Variants in ERC1 observed in about 807,000 individuals in gnomAD.
The protein encoded by ERC1 is ELKS/RAB6-interacting/CAST family member 1.
A neutral mutation model predicts 132.0 loss-of-function variants in ERC1; 56 were observed. The observed-to-expected ratio is 0.42, with a 90% CI of 0.34 to 0.53. The LOEUF (loss-of-function observed/expected upper bound fraction) is 0.53. Ranked by LOEUF, ERC1 falls within the 20% of genes least tolerant of loss-of-function variation. The pLI is 0.03. For missense variants in ERC1, 1,202 were observed against 1,349.9 expected (o/e 0.89, Z 1.72); for synonymous variants, 478 against 476.1 (o/e 1.00, Z -0.05).
intron 3 of ERC1, among the ~76,000 whole-genome samples, chr12:1,094,848 C>CA (rs1369403016): frequency 6.6e-6 from 1 of 151,980 alleles, no homozygotes; most frequent in African/African-American, 2.4e-5. Context: ...AGTTAAGATA[C>CA]GAAAAAGTGG....
At chr12:1,050,872 G>A (rs1231611131) in intron 2 of ERC1, among the ~76,000 whole-genome samples, 4 of 152,064 alleles carry the variant, frequency 2.6e-5, no homozygotes, top group Non-Finnish European at 5.9e-5. Context: ...GAGCGTGGTG[G>A]CGCGTTCCTG....
chr12:1,273,913 T>C (rs2078062302), intron 14 of ERC1, among the ~76,000 whole-genome samples: 1 of 152,258 alleles, frequency 6.6e-6, no homozygotes, highest in Non-Finnish European at 1.5e-5. Flanking sequence ...TGGTCATTTT[T>C]TAAATTTTTG....
At chr12:1,002,735 A>G (rs1389641617) in intron 1 of ERC1, among the ~76,000 whole-genome samples, 1 of 152,110 alleles carries the variant, frequency 6.6e-6, no homozygotes, top group Non-Finnish European at 1.5e-5. Context: ...TTGTAGTAGT[A>G]TCTCTTGGTT....
At chr12:1,370,973 A>G (rs1412195700) in intron 15 of ERC1, among the ~76,000 whole-genome samples, 6 of 152,206 alleles carry the variant, frequency 3.9e-5, no homozygotes, top group African/African-American at 9.7e-5. Context: ...TCAGCCTCCC[A>G]AAGTGCTGGG....
At chr12:1,412,572 C>A (rs1196891231) in intron 17 of ERC1, among the ~76,000 whole-genome samples, 1 of 152,138 alleles carries the variant, frequency 6.6e-6, no homozygotes, top group Non-Finnish European at 1.5e-5. Flanking sequence ...ATTTCTTCAT[C>A]TTTAGGATGG....
intron 18 of ERC1, among the ~76,000 whole-genome samples, chr12:1,479,921 G>A (rs552585613): frequency 8.5e-5 from 13 of 152,242 alleles, no homozygotes; most frequent in African/African-American, 2.9e-4. Flanking sequence ...AAGCCCTGCT[G>A]CCCTCACGCC....
intron 7 of ERC1, among the ~76,000 whole-genome samples, chr12:1,121,717 A>ATCTCTATCTCTATCTGTG (rs1947181679): frequency 5.4e-4 from 3 of 5,544 alleles, no homozygotes; most frequent in African/African-American, 9.6e-4. Context: ...CTGTGTCTCT[A>ATCTCTATCTCTATCTGTG]TCTCTATCTC....
At chr12:1,213,263 C>T (rs1958049443) in intron 12 of ERC1, among the ~76,000 whole-genome samples, 1 of 152,060 alleles carries the variant, frequency 6.6e-6, no homozygotes, top group Non-Finnish European at 1.5e-5. Context: ...TTATTTAGTA[C>T]CTAGTAGCTT....
At chr12:1,280,399 A>G (rs148322038) in intron 14 of ERC1, among the ~76,000 whole-genome samples, 30 of 152,312 alleles carry the variant, frequency 2.0e-4, no homozygotes, top group East Asian at 5.8e-4. Flanking sequence ...TGGACATTCA[A>G]TTGTCCCTTC....
At chr12:1,279,445 T>A (rs1167023165) in intron 14 of ERC1, among the ~76,000 whole-genome samples, 1 of 152,162 alleles carries the variant, frequency 6.6e-6, no homozygotes, top group Non-Finnish European at 1.5e-5. Context: ...AAGTAGTACA[T>A]GATATTACTG....
rs2089405163 is a variant in ERC1, at chr12:1,386,663, A to AAAAAAAAC, written c.2925+14688_2925+14689insAAAAACAA. The AAAAAAAAC allele has an allele frequency of 1.5e-5, 2 of 132,068 alleles. 1 individual carries two copies. The highest frequency in any genetic ancestry group is 3.4e-5 in the Non-Finnish European group (2 of 59,398). 8.2% of individuals were successfully genotyped at this position (132,068 alleles called of 1,614,324 possible). ...CAAGACTTCGTCTCAAAAAAAAAAAAAACATTAAAAAGTACACATGTCTAA... is the reference window on the plus strand; with the variant it reads ...CAAGACTTCGTCTCAAAAAAAAAAAAAAAAAAACAACATTAAAAAGTACACATGTCTAA... On this transcript the variant is annotated intron_variant, in intron 16 of 18. Transcript: ENST00000360905.
At chr12:1,232,071 C>T (rs189151639) in intron 12 of ERC1, among the ~76,000 whole-genome samples, 2 of 152,168 alleles carry the variant, frequency 1.3e-5, no homozygotes, top group Non-Finnish European at 2.9e-5. Flanking sequence ...TCTTGGCTGG[C>T]AGTTTTTGTC....
At chr12:1,248,786 AC>A (rs1335035423) in intron 13 of ERC1, among the ~76,000 whole-genome samples, 1 of 152,184 alleles carries the variant, frequency 6.6e-6, no homozygotes, top group African/African-American at 2.4e-5. Flanking sequence ...TATGCTAGAA[AC>A]AGTAATGTTG....
chr12:1,269,642 A>C (rs1405176021), intron 14 of ERC1, among the ~76,000 whole-genome samples: 1 of 152,218 alleles, frequency 6.6e-6, no homozygotes, highest in Non-Finnish European at 1.5e-5. Context: ...CGGGAGGATC[A>C]GATGGACTAT....
chr12:1,092,565 AT>A (rs781499487), intron 3 of ERC1, among the ~76,000 whole-genome samples: 4 of 152,248 alleles, frequency 2.6e-5, no homozygotes, highest in Non-Finnish European at 4.4e-5. Context: ...TTGAAACAAA[AT>A]TACCCGGTAT....
rs115797420 is a variant in ERC1 at position 1,428,082 on chromosome 12, C to A, written c.3025-16480C>A. 4.0e-3 allele frequency among the ~76,000 whole-genome samples: 614 copies of A among 152,272 alleles called. 7 individuals are homozygous for A. Among genetic ancestry groups the A allele is most frequent in the African/African-American group, 0.014 (576 of 41,548 alleles). ...GAAGCATCTCTGGAACATATGCACTCAGATCCGTGGGTTCATATCTTAATG... is the reference window on the plus strand; with the variant it reads ...GAAGCATCTCTGGAACATATGCACTAAGATCCGTGGGTTCATATCTTAATG... On this transcript the variant is annotated intron_variant, in intron 17 of 18. Transcript: ENST00000360905.
At chr12:1,470,616 A>T (rs1474004743) in intron 18 of ERC1, among the ~76,000 whole-genome samples, 1 of 152,036 alleles carries the variant, frequency 6.6e-6, no homozygotes, top group African/African-American at 2.4e-5. Context: ...CTCCATTTTT[A>T]TAACGACGAG....
intron 7 of ERC1, among the ~76,000 whole-genome samples, chr12:1,129,015 C>A (rs1010800829): frequency 6.6e-6 from 1 of 152,048 alleles, no homozygotes; most frequent in Non-Finnish European, 1.5e-5. Context: ...GTAGGAGTTT[C>A]AGGAGTGGAT....
In ERC1 at chr12:1,300,611, A is replaced by T. The variant is rs1484661332; in HGVS notation, c.2780+10599A>T. Among the ~76,000 whole-genome samples the T allele has an allele frequency of 4.6e-5, 7 of 151,674 alleles. No individual in the cohort carries two copies. The East Asian group carries it at 1.4e-3, about 29-fold the overall frequency. On this transcript the variant is annotated intron_variant, in intron 15 of 18. Transcript: ENST00000360905. ...GGGAATTTAAACAAATTTACAAGAAAAAAACAACCCCATTAAAAAATGGGC... is the reference window on the plus strand; with the variant it reads ...GGGAATTTAAACAAATTTACAAGAATAAAACAACCCCATTAAAAAATGGGC...
Sources: gnomAD v4.1 joint callset for allele counts (sites outside exome capture counted in the v4.1 genomes callset) on GRCh38, gnomAD v4.1.1 for gene constraint, MANE v1.5 for transcripts, NCBI Gene and HGNC (gene_info 2026-07-23, HGNC 2026-07-21) for gene names.